USP4: variants seen among roughly 807,000 people sequenced by gnomAD.
USP4 encodes ubiquitin specific peptidase 4, also known as ubiquitin carboxyl-terminal hydrolase 4.
USP4 carries 72 observed loss-of-function variants against 118.2 expected under a neutral mutation model. The ratio of observed to expected loss-of-function variants is 0.61; its 90% CI spans 0.50 to 0.74. USP4 has a LOEUF of 0.74. USP4 is among the 30% of genes least tolerant of loss of function. The pLI, the probability that USP4 is intolerant of heterozygous loss-of-function variation, is 0.00. For synonymous variants in USP4, 415 were observed against 440.4 expected, an observed-to-expected ratio of 0.94 and a Z score of 0.72; for missense variants, 1,037 against 1,185.7, an observed-to-expected ratio of 0.87 and a Z score of 1.84.
rs2046977347 is a variant in USP4, at chr3:49,277,621, C to T, written c.*672G>A. ...AAAAGTGTGTTATCTAATAAAAGTT[C>T]CACACAGTATTTAACCGTCTTAATT... On this transcript the variant is annotated 3_prime_UTR_variant, in exon 22 of 22. Transcript: ENST00000265560. 1 of 162,422 alleles carries T rather than the reference C, an allele frequency of 6.2e-6. No individual in the cohort carries two copies. The highest frequency in any genetic ancestry group is 1.6e-4 in the South Asian group (1 of 6,174). The allele number at this position is 162,422 out of a possible 1,614,324, so 10.1% of individuals were successfully genotyped here. A position where few individuals can be genotyped will look rare whatever the true frequency, so the allele number is the denominator to read the frequency against.
At position 49,277,310 on chromosome 3, in the gene USP4, T is replaced by G. The variant is rs1356555848; in HGVS notation, c.*983A>C. The G allele has an allele frequency of 2.6e-6, 3 of 1,175,244 alleles. No homozygotes were observed. Among genetic ancestry groups the G allele is most frequent in the African/African-American group, 3.2e-5 (2 of 63,458 alleles). 72.8% of individuals were successfully genotyped at this position (1,175,244 alleles called of 1,614,324 possible). On this transcript the variant is annotated 3_prime_UTR_variant, in exon 22 of 22. Coordinates refer to ENST00000265560, the MANE Select transcript of USP4 (RefSeq NM_003363.4). The stretch of plus-strand genomic sequence containing the variant: ...ATCCCGGACCCATACGTCCGGTTCC[T>G]TAAGGCCTTGCCCACACGCAGCGGC...
intron 2 of USP4, among the ~76,000 whole-genome samples, chr3:49,334,127 G>A (rs572738217): frequency 6.6e-6 from 1 of 152,332 alleles, no homozygotes; most frequent in South Asian, 2.1e-4. Flanking sequence ...GACATGAAGT[G>A]AGCACATGCT....
In USP4 at chr3:49,324,710, C is replaced by A. The variant is rs777712714; in HGVS notation, c.687G>T (p.Leu229Phe). The A allele has an allele frequency of 9.9e-6, 16 of 1,614,160 alleles. No individual in the cohort carries two copies. The highest frequency in any genetic ancestry group is 1.4e-5 in the Non-Finnish European group (16 of 1,180,006). The change falls in exon 6 of 22, where the codon TTG (leucine) becomes TTT (phenylalanine). Residue 229 changes from leucine to phenylalanine, a missense_variant. Around this residue, in one of 3 missense-constraint regions of USP4, gnomAD observed 487 missense variants for 534.1 expected, o/e 0.91. Transcript: ENST00000265560. Reference protein sequence around the residue: ...NEDGTWPRQTLQSKSSTAPSR... With the variant: ...NEDGTWPRQTFQSKSSTAPSR... Reference sequence around the variant, plus strand: ...AGAAAAAATTCACTTACTTTGACTGCAAGGTCTGCCTGGGCCATGTGCCAT... The same window carrying A: ...AGAAAAAATTCACTTACTTTGACTGAAAGGTCTGCCTGGGCCATGTGCCAT...
intron 19 of USP4, among the ~76,000 whole-genome samples, chr3:49,281,838 C>T (rs1214841840): frequency 3.3e-5 from 5 of 151,508 alleles, no homozygotes; most frequent in African/African-American, 1.2e-4. Flanking sequence ...TGGTAAAACC[C>T]CGTCTCTACT....
intron 19 of USP4, among the ~76,000 whole-genome samples, chr3:49,281,746 C>T (rs1309404544): frequency 1.3e-5 from 2 of 149,148 alleles, no homozygotes; most frequent in African/African-American, 2.5e-5. Context: ...GGCACAGTGG[C>T]TCATGCCTGT....
At position 49,302,504 on chromosome 3, in the gene USP4, G is replaced by A. The variant is rs1242158023; in HGVS notation, c.1167C>T (p.Tyr389=). ...VGRFAPQFSG[Y]QQQDSQELLA... is the part of the protein sequence containing the mutation. The stretch of plus-strand genomic sequence containing the variant: ...GCAGCTCCTGAGAATCTTGTTGCTG[G>A]TAGCCAGAAAATTGAGGAGCAAAAC... Residue 389 remains tyrosine, a synonymous_variant, in exon 10 of 22, where the codon TAC becomes TAT. Coordinates refer to ENST00000265560, the MANE Select transcript of USP4 (RefSeq NM_003363.4). The A allele has an allele frequency of 6.2e-7, 1 of 1,614,098 alleles. No individual in the cohort carries two copies. Among genetic ancestry groups the A allele is most frequent in the Non-Finnish European group, 8.5e-7 (1 of 1,179,998 alleles).
intron 4 of USP4, 145 bp downstream of exon 4, chr3:49,325,574 A>C: frequency 2.6e-6 from 3 of 1,171,100 alleles, no homozygotes; most frequent in Non-Finnish European, 3.6e-6. Context: ...ATAGGCCCCC[A>C]GGTCAGGACT....
At chr3:49,326,687 G>C (rs2047558756) in intron 3 of USP4, among the ~76,000 whole-genome samples, 1 of 146,030 alleles carries the variant, frequency 6.8e-6, no homozygotes, top group South Asian at 2.3e-4. Context: ...GAGCCACCAT[G>C]CACGGCCTGA....
chr3:49,330,207 G>A (rs1157965073), intron 2 of USP4, among the ~76,000 whole-genome samples: 3 of 144,366 alleles, frequency 2.1e-5, no homozygotes, highest in Non-Finnish European at 3.0e-5. Flanking sequence ...AACAAAAAAA[G>A]TTGAAATTAC....
chr3:49,305,412 G>A (rs894463944), intron 9 of USP4, among the ~76,000 whole-genome samples: 7 of 150,256 alleles, frequency 4.7e-5, no homozygotes, highest in Non-Finnish European at 7.4e-5. Flanking sequence ...GCAACGAAAG[G>A]AATGCCTCAT....
At chr3:49,325,101 G>A (rs2107798793) in intron 4 of USP4, 62 bp from the exon 5 acceptor site, 1 of 1,574,800 alleles carries the variant, frequency 6.4e-7, no homozygotes, top group East Asian at 2.2e-5. Context: ...AGACAGCCAT[G>A]GCAAACTAAT....
rs528233274 is a variant in USP4 at position 49,277,999 on chromosome 3, G to T, written c.*294C>A. 4 of 443,578 alleles carry T rather than the reference G, an allele frequency of 9.0e-6. No individual in the cohort carries two copies. The highest frequency in any genetic ancestry group is 3.9e-6 in the Non-Finnish European group (1 of 254,278). The allele number at this position is 443,578 out of a possible 1,614,324, so 27.5% of individuals were successfully genotyped here. A position where few individuals can be genotyped will look rare whatever the true frequency, so the allele number is the denominator to read the frequency against. On this transcript the variant is annotated 3_prime_UTR_variant, in exon 22 of 22. Coordinates refer to ENST00000265560, the MANE Select transcript of USP4 (RefSeq NM_003363.4). ...GCGCCTGTGTTCCTCTCCATTCTTC[G>T]GGATCCATCAGACATACTCCATTGA...
At chr3:49,302,847 C>T (rs2107781302) in intron 9 of USP4, among the ~76,000 whole-genome samples, 1 of 152,312 alleles carries the variant, frequency 6.6e-6, no homozygotes, top group South Asian at 2.1e-4. Context: ...CCCTCTCCAA[C>T]ATGTCCTTCT....
chr3:49,322,008 A>C (rs1559477874), intron 6 of USP4, among the ~76,000 whole-genome samples: 1 of 152,044 alleles, frequency 6.6e-6, no homozygotes, highest in Non-Finnish European at 1.5e-5. Flanking sequence ...AAAAACAAAA[A>C]AACAAAACCC....
At chr3:49,330,220 C>T (rs1038065691) in intron 2 of USP4, among the ~76,000 whole-genome samples, 1 of 151,994 alleles carries the variant, frequency 6.6e-6, no homozygotes, top group Non-Finnish European at 1.5e-5. Flanking sequence ...GAAATTACTT[C>T]TTGACTCACA....
At position 49,278,045 on chromosome 3, in the gene USP4, T is replaced by G; in HGVS notation, c.*248A>C. On this transcript the variant is annotated 3_prime_UTR_variant, in exon 22 of 22. Coordinates refer to ENST00000265560, the MANE Select transcript of USP4 (RefSeq NM_003363.4). ...ATTGAGTACCCCCATCCCACCCCCTTTTCAGCTTCACAGGTTTCACAGAAA... is the reference window on the plus strand; with the variant it reads ...ATTGAGTACCCCCATCCCACCCCCTGTTCAGCTTCACAGGTTTCACAGAAA... 1 of 510,006 alleles carries G rather than the reference T, an allele frequency of 2.0e-6. No individual in the cohort carries two copies. The allele number at this position is 510,006 out of a possible 1,614,324, so 31.6% of individuals were successfully genotyped here.
intron 6 of USP4, among the ~76,000 whole-genome samples, chr3:49,314,339 T>C (rs1417309141): frequency 2.0e-5 from 3 of 152,176 alleles, no homozygotes; most frequent in African/African-American, 4.8e-5. Context: ...CATAAGGAAA[T>C]GTACCCTTCT....
At chr3:49,309,446 C>T (rs2047356945) in intron 8 of USP4, among the ~76,000 whole-genome samples, 1 of 151,978 alleles carries the variant, frequency 6.6e-6, no homozygotes, top group African/African-American at 2.4e-5. Context: ...CATTTTGAGA[C>T]AGGGTCTCGC....
rs200883015 is a variant in USP4 at position 49,292,597 on chromosome 3, G to A, written c.1885C>T (p.Arg629Cys). ...TCAGGTAAAGGCTGTTTCACATAGC[G>A]GCTTCAAAAAGAGAAAAAGAGAAGA... ...LYQAVCDRIS[R>C]YVKQPLPDEF... The change falls in exon 15 of 22, where the codon CGC becomes TGC. Residue 629 changes from arginine to cysteine, a missense_variant and splice_region_variant. By Grantham distance (180) the Arg-to-Cys change is radical. Transcript: ENST00000265560. 102 of 1,576,158 alleles carry A rather than the reference G, an allele frequency of 6.5e-5. No homozygotes were observed. The highest frequency in any genetic ancestry group is 1.7e-4 in the Middle Eastern group (1 of 5,942).
Sources: allele counts gnomAD v4.1 joint callset (sites outside exome capture counted in the v4.1 genomes callset), GRCh38; gene constraint gnomAD v4.1.1; regional missense constraint gnomAD v4.1.1; transcripts MANE v1.5; gene names NCBI Gene and HGNC (gene_info 2026-07-23, HGNC 2026-07-21).